The following ASAP2 variants were observed in gnomAD, a reference collection of about 807,000 sequenced individuals.
The protein encoded by ASAP2 is arf-GAP with SH3 domain, ANK repeat and PH domain-containing protein 2.
ASAP2 carries 45 observed loss-of-function variants against 131.4 expected under a neutral mutation model. That is an observed-to-expected ratio of 0.34 (90% CI 0.27 to 0.44). ASAP2 has a LOEUF of 0.44. ASAP2 is among the 20% of genes least tolerant of loss of function. The pLI is 1.00. For missense variants in ASAP2, 1,011 were observed against 1,297.0 expected, an observed-to-expected ratio of 0.78 and a Z score of 3.39; for synonymous variants, 510 against 503.0, an observed-to-expected ratio of 1.01 and a Z score of -0.19.
rs939236583 is a variant in ASAP2 at position 9,323,326 on chromosome 2, G to A, written c.600+76G>A. The A allele has an allele frequency of 7.7e-5, 120 of 1,561,714 alleles. No individual in the cohort carries two copies. In the African/African-American group the frequency reaches 1.2e-3, roughly 16 times the overall value. On this transcript the variant is annotated intron_variant, in intron 6 of 27. Coordinates refer to ENST00000281419, the MANE Select transcript of ASAP2 (RefSeq NM_003887.3). ...CCCTCACCTGTGGGAGCATCTCACCGGTACCAGCGGCTTCAGAGAAAACAC... is the reference window on the plus strand; with the variant it reads ...CCCTCACCTGTGGGAGCATCTCACCAGTACCAGCGGCTTCAGAGAAAACAC...
chr2:9,333,547 G>A (rs1670979809), intron 7 of ASAP2, among the ~76,000 whole-genome samples: 2 of 151,482 alleles, frequency 1.3e-5, no homozygotes, highest in Admixed American at 1.3e-4. Flanking sequence ...CACACCTTAG[G>A]AGAAGGCTTT....
chr2:9,221,974 G>A (rs1315900999), intron 1 of ASAP2, among the ~76,000 whole-genome samples: 1 of 147,728 alleles, frequency 6.8e-6, no homozygotes, highest in African/African-American at 2.5e-5. Flanking sequence ...TTTTTTTTTT[G>A]TATTTTTAGC....
intron 3 of ASAP2, among the ~76,000 whole-genome samples, chr2:9,308,009 C>T (rs1483926234): frequency 6.6e-6 from 1 of 152,170 alleles, no homozygotes; most frequent in East Asian, 1.9e-4. Flanking sequence ...CAAGGCAATT[C>T]TGTGGCCCAG....
intron 1 of ASAP2, among the ~76,000 whole-genome samples, chr2:9,259,631 C>G (rs979520323): frequency 3.3e-5 from 5 of 152,252 alleles, no homozygotes; most frequent in East Asian, 3.8e-4. Context: ...CCACCTTGCT[C>G]CTTGGCGCTC....
chr2:9,374,836 G>A lies in ASAP2; in HGVS notation c.1638G>A (p.Lys546=), dbSNP rs1453480982. The A allele has an allele frequency of 6.2e-7, 1 of 1,614,178 alleles. No individual in the cohort carries two copies. Among genetic ancestry groups the A allele is most frequent in the Admixed American group, 1.7e-5 (1 of 60,016 alleles). Residue 546 remains lysine (K), a synonymous_variant, in exon 17 of 28, where the codon AAG becomes AAA. Coordinates refer to ENST00000281419, the MANE Select transcript of ASAP2 (RefSeq NM_003887.3). The part of the protein sequence containing the change: ...ARKKHADNAA[K]LHSLCEAVKT... ...AGAAGCACGCGGATAACGCGGCGAAGCTTCACAGTCTTTGCGAGGCCGTCA... is the reference window on the plus strand; with the variant it reads ...AGAAGCACGCGGATAACGCGGCGAAACTTCACAGTCTTTGCGAGGCCGTCA...
intron 7 of ASAP2, among the ~76,000 whole-genome samples, chr2:9,332,627 G>A (rs572524470): frequency 1.4e-4 from 22 of 152,302 alleles, no homozygotes; most frequent in Non-Finnish European, 2.4e-4. Context: ...CTGTCTGACC[G>A]TAGGGAGAAT....
intron 1 of ASAP2, among the ~76,000 whole-genome samples, chr2:9,247,555 G>A (rs553458714): frequency 1.3e-5 from 2 of 152,320 alleles, no homozygotes; most frequent in African/African-American, 4.8e-5. Context: ...AGGCAGCCAT[G>A]TGGATGGGCA....
In ASAP2 at chr2:9,404,803, G is replaced by A. The variant is rs1222657592; in HGVS notation, c.*1476G>A. On this transcript the variant is annotated 3_prime_UTR_variant, in exon 28 of 28. Coordinates refer to ENST00000281419, the MANE Select transcript of ASAP2 (RefSeq NM_003887.3). ...AAAGGAAGACAGAACAAACTGGAAT[G>A]TTTTATGATGTTGTATAGCAATCGC... 6.6e-6 allele frequency: 1 copy of A among 152,026 alleles called. No individual in the cohort carries two copies. Among genetic ancestry groups the A allele is most frequent in the Non-Finnish European group, 1.5e-5 (1 of 67,938 alleles). 9.4% of individuals were successfully genotyped at this position (152,026 alleles called of 1,614,324 possible). A position where few individuals can be genotyped will look rare whatever the true frequency, so the allele number is the denominator to read the frequency against.
At chr2:9,274,202 C>G (rs138817502) in intron 1 of ASAP2, among the ~76,000 whole-genome samples, 27 of 151,896 alleles carry the variant, frequency 1.8e-4, no homozygotes, top group African/African-American at 6.5e-4. Context: ...AAGGCTAATT[C>G]AACTTCATCC....
At chr2:9,352,111 C>T (rs1334599162) in intron 12 of ASAP2, among the ~76,000 whole-genome samples, 1 of 151,918 alleles carries the variant, frequency 6.6e-6, no homozygotes, top group Admixed American at 6.6e-5. Context: ...TCCTGTAGTC[C>T]CAGCTACTCG....
At chr2:9,390,386 C>T (rs1675624886) in intron 22 of ASAP2, among the ~76,000 whole-genome samples, 1 of 152,250 alleles carries the variant, frequency 6.6e-6, no homozygotes. Flanking sequence ...CTTTGCCCTA[C>T]AGGCCGTGCA....
chr2:9,210,747 G>GGTTT (rs1408835807), intron 1 of ASAP2, among the ~76,000 whole-genome samples: 2 of 151,882 alleles, frequency 1.3e-5, no homozygotes, highest in Admixed American at 6.6e-5. Context: ...GTAGAGATGG[G>GGTTT]GTTTCACCGT....
At chr2:9,337,347 T>A (rs2148574457) in intron 9 of ASAP2, among the ~76,000 whole-genome samples, 1 of 152,312 alleles carries the variant, frequency 6.6e-6, no homozygotes, top group East Asian at 1.9e-4. Context: ...GATGTGAAAA[T>A]GCTAAATTTT....
chr2:9,304,059 C>T (rs1011350814), intron 3 of ASAP2, among the ~76,000 whole-genome samples: 1 of 152,178 alleles, frequency 6.6e-6, no homozygotes, highest in African/African-American at 2.4e-5. Context: ...CACTGGCAGC[C>T]TGCGGAGCCC....
At chr2:9,245,388 G>A (rs543860955) in intron 1 of ASAP2, among the ~76,000 whole-genome samples, 2 of 152,140 alleles carry the variant, frequency 1.3e-5, no homozygotes, top group Non-Finnish European at 2.9e-5. Context: ...CCACTTCTTC[G>A]GCTCTGTGCT....
chr2:9,218,396 G>C (rs1236051380), intron 1 of ASAP2, among the ~76,000 whole-genome samples: 1 of 152,218 alleles, frequency 6.6e-6, no homozygotes, highest in Non-Finnish European at 1.5e-5. Flanking sequence ...CAAGAACACT[G>C]TCACTGTGTG....
intron 12 of ASAP2, among the ~76,000 whole-genome samples, chr2:9,352,202 AACACACACAAACACACAC>A (rs1225380577): frequency 7.0e-6 from 1 of 142,862 alleles, no homozygotes; most frequent in Non-Finnish European, 1.5e-5. Flanking sequence ...AACTCTTTAA[AACACACACAAACACACAC>A]ACACACACAC....
At chr2:9,312,411 C>T (rs1203946947) in intron 3 of ASAP2, among the ~76,000 whole-genome samples, 1 of 152,178 alleles carries the variant, frequency 6.6e-6, no homozygotes, top group East Asian at 1.9e-4. Flanking sequence ...CTGGCAGGGC[C>T]CACACCAGCA....
chr2:9,393,143 T>C (rs1339117911), intron 23 of ASAP2, among the ~76,000 whole-genome samples: 1 of 152,182 alleles, frequency 6.6e-6, no homozygotes, highest in Non-Finnish European at 1.5e-5. Context: ...CGGGCAGAGC[T>C]GAGGGCCCCG....
Sources: gnomAD v4.1 joint callset for allele counts (sites outside exome capture counted in the v4.1 genomes callset) on GRCh38, gnomAD v4.1.1 for gene constraint, MANE v1.5 for transcripts, NCBI Gene and HGNC (gene_info 2026-07-23, HGNC 2026-07-21) for gene names.